NCOA2: variants seen among roughly 807,000 people sequenced by gnomAD.
The protein encoded by NCOA2 is nuclear receptor coactivator 2, also known as class E basic helix-loop-helix protein 75.
NCOA2 carries 21 observed loss-of-function variants against 145.1 expected under a neutral mutation model. The observed-to-expected ratio is 0.14, with a 90% CI of 0.10 to 0.21. The LOEUF (loss-of-function observed/expected upper bound fraction) is 0.21, where lower values mean the gene tolerates loss of function less well. Ranked by LOEUF, NCOA2 falls within the 10% of genes least tolerant of loss-of-function variation. NCOA2 has a pLI of 1.00. For synonymous variants in NCOA2, 619 were observed against 637.5 expected (o/e 0.97, Z 0.44); for missense variants, 1,472 against 1,837.6 (o/e 0.80, Z 3.64).
intron 2 of NCOA2, among the ~76,000 whole-genome samples, chr8:70,264,128 C>T (rs1022103241): frequency 6.6e-6 from 1 of 152,016 alleles, no homozygotes; most frequent in Non-Finnish European, 1.5e-5. Flanking sequence ...AGGAGAATCA[C>T]TTGAACCCGG....
chr8:70,210,258 T>A (rs1586109517), intron 4 of NCOA2, among the ~76,000 whole-genome samples: 1 of 152,356 alleles, frequency 6.6e-6, no homozygotes, highest in East Asian at 1.9e-4. Flanking sequence ...CTTTAAAAAC[T>A]GCCTGACACA....
intron 1 of NCOA2, among the ~76,000 whole-genome samples, chr8:70,321,526 A>G (rs1001390843): frequency 6.6e-6 from 1 of 152,080 alleles, no homozygotes. Context: ...CCAATTTACA[A>G]AATTAAAATT....
At chr8:70,268,636 G>A (rs989158468) in intron 2 of NCOA2, among the ~76,000 whole-genome samples, 2 of 152,028 alleles carry the variant, frequency 1.3e-5, no homozygotes, top group African/African-American at 4.8e-5. Context: ...TATTAGCTAT[G>A]TTAACTTAAA....
intron 2 of NCOA2, among the ~76,000 whole-genome samples, chr8:70,248,420 TTC>T (rs1822802492): frequency 6.6e-6 from 1 of 152,208 alleles, no homozygotes; most frequent in South Asian, 2.1e-4. Flanking sequence ...TACTCTGATT[TTC>T]TGTTACCACA....
At chr8:70,345,289 G>A (rs990331599) in intron 1 of NCOA2, among the ~76,000 whole-genome samples, 1 of 152,184 alleles carries the variant, frequency 6.6e-6, no homozygotes, top group African/African-American at 2.4e-5. Context: ...TCTCTGCTCA[G>A]AGTTGTCTTC....
intron 2 of NCOA2, among the ~76,000 whole-genome samples, chr8:70,285,416 C>T (rs73684267): frequency 0.015 from 2,271 of 152,208 alleles, 58 homozygotes; most frequent in African/African-American, 0.053. Context: ...CACTTGAGTC[C>T]CATTAATCAA....
intron 2 of NCOA2, among the ~76,000 whole-genome samples, chr8:70,217,439 AC>A (rs1819730215): frequency 6.6e-6 from 1 of 151,960 alleles, no homozygotes; most frequent in Non-Finnish European, 1.5e-5. Context: ...GCCTCCCTGC[AC>A]ACAGCATGGT....
chr8:70,355,990 A>C (rs1255358388), intron 1 of NCOA2, among the ~76,000 whole-genome samples: 4 of 152,202 alleles, frequency 2.6e-5, no homozygotes, highest in South Asian at 2.1e-4. Context: ...GGTTATCTCC[A>C]GTAGAAGTAG....
At chr8:70,251,353 T>C (rs1226285036) in intron 2 of NCOA2, among the ~76,000 whole-genome samples, 3 of 152,212 alleles carry the variant, frequency 2.0e-5, no homozygotes, top group African/African-American at 7.2e-5. Flanking sequence ...CAATCACTTC[T>C]AAATACGACT....
chr8:70,237,550 C>T (rs1013248568), intron 2 of NCOA2, among the ~76,000 whole-genome samples: 117 of 151,892 alleles, frequency 7.7e-4, no homozygotes, highest in African/African-American at 2.7e-3. Context: ...ACTGCTTGAG[C>T]TCAGGAGTTT....
chr8:70,214,474 G>A (rs1819380305), intron 3 of NCOA2, among the ~76,000 whole-genome samples: 1 of 152,158 alleles, frequency 6.6e-6, no homozygotes, highest in South Asian at 2.1e-4. Flanking sequence ...AAGAAGAGAA[G>A]TTAACCCAGT....
chr8:70,159,053 C>T (rs1177778277), intron 10 of NCOA2, among the ~76,000 whole-genome samples: 7 of 151,236 alleles, frequency 4.6e-5, no homozygotes, highest in Admixed American at 1.3e-4. Context: ...CCTGCCCCCA[C>T]GCTGCAGATA....
At chr8:70,361,773 T>TA (rs746221591) in intron 1 of NCOA2, among the ~76,000 whole-genome samples, 1 of 152,198 alleles carries the variant, frequency 6.6e-6, no homozygotes, top group Non-Finnish European at 1.5e-5. Context: ...TGCCAATACT[T>TA]ACGACGCTCA....
At chr8:70,310,303 C>A (rs1003793574) in intron 1 of NCOA2, among the ~76,000 whole-genome samples, 2 of 145,724 alleles carry the variant, frequency 1.4e-5, no homozygotes, top group Non-Finnish European at 3.0e-5. Context: ...AAGATCACAC[C>A]ACTGCACTCC....
At chr8:70,434,878 C>T in the NCOA2 span, among the ~76,000 whole-genome samples, 72 of 152,254 alleles carry the variant, frequency 4.7e-4, no homozygotes, top group Non-Finnish European at 8.8e-4. Context: ...AACACATATG[C>T]TAATGATCTC....
chr8:70,188,672 C>T (rs918566539), intron 4 of NCOA2, among the ~76,000 whole-genome samples: 3 of 152,126 alleles, frequency 2.0e-5, no homozygotes, highest in Non-Finnish European at 2.9e-5. Context: ...GAAATCATTT[C>T]AGTCTGAAAA....
chr8:70,161,883 A>ATT (rs201667723), intron 9 of NCOA2, among the ~76,000 whole-genome samples: 2 of 145,858 alleles, frequency 1.4e-5, no homozygotes, highest in African/African-American at 5.0e-5. Context: ...AAGCAAAAGA[A>ATT]TTTTTTTTTT....
chr8:70,430,372 T>G, the NCOA2 span, among the ~76,000 whole-genome samples: 1 of 152,246 alleles, frequency 6.6e-6, no homozygotes, highest in Non-Finnish European at 1.5e-5. Context: ...TAATTATCTT[T>G]ACTTTTACAA....
intron 1 of NCOA2, among the ~76,000 whole-genome samples, chr8:70,330,568 C>CA (rs376324516): frequency 0.034 from 2,792 of 81,754 alleles, 28 homozygotes; most frequent in Middle Eastern, 0.042. Flanking sequence ...CACCATGTCT[C>CA]AAAAAAAAAA....
Sources: gnomAD v4.1 joint callset for allele counts (sites outside exome capture counted in the v4.1 genomes callset) on GRCh38, gnomAD v4.1.1 for gene constraint, MANE v1.5 for transcripts, NCBI Gene and HGNC (gene_info 2026-07-23, HGNC 2026-07-21) for gene names.